The following ADPRHL1 variants were observed in gnomAD, a reference collection of about 807,000 sequenced individuals.
ADPRHL1 encodes ADP-ribosylhydrolase like 1, also known as inactive ADP-ribosyltransferase ARH2.
Under a neutral mutation model 44.1 loss-of-function variants are expected in ADPRHL1, and 43 were observed. The observed-to-expected ratio is 0.98, with a 90% confidence interval of 0.76 to 1.26. The LOEUF (loss-of-function observed/expected upper bound fraction) is 1.26. ADPRHL1 is among the 50% of genes most tolerant of loss of function. The pLI is 0.00. For missense variants in ADPRHL1, 2,022 were observed against 2,496.9 expected (o/e 0.81, Z 4.05); for synonymous variants, 878 against 1,017.4 (o/e 0.86, Z 2.61).
Position 113,407,467 on chromosome 13 carries a change from C to T in ADPRHL1, c.1815G>A (p.Met605Ile). The change falls in exon 8 of 8, where the codon ATG becomes ATA. Residue 605 changes from methionine (M) to isoleucine (I), a missense_variant. Physicochemically the swap from Met to Ile is conservative, Grantham distance 10 (BLOSUM62 1). Transcript: ENST00000612156. ...TATMASTCVK[M>I]PPARFLACTA... The stretch of plus-strand genomic sequence containing the variant: ...TGCAGGCCAGAAAGCGGGCAGGGGG[C>T]ATCTTGACGCAGGTGCTGGCCATGG... 2 of 1,232,086 alleles carry T rather than the reference C, an allele frequency of 1.6e-6. No homozygotes were observed. The highest frequency in any genetic ancestry group is 2.0e-6 in the Non-Finnish European group (2 of 988,030). 76.3% of individuals were successfully genotyped at this position (1,232,086 alleles called of 1,614,324 possible). A position where few individuals can be genotyped will look rare whatever the true frequency, so the allele number is the denominator to read the frequency against.
intron 7 of ADPRHL1, among the ~76,000 whole-genome samples, chr13:113,410,688 G>C (rs1244151417): frequency 6.8e-6 from 1 of 147,886 alleles, no homozygotes; most frequent in Non-Finnish European, 1.5e-5. Context: ...GCCCCAGCCA[G>C]AGGCCGCCCA....
chr13:113,415,468 A>C (rs1165335736), intron 7 of ADPRHL1, among the ~76,000 whole-genome samples: 1 of 152,088 alleles, frequency 6.6e-6, no homozygotes, highest in Non-Finnish European at 1.5e-5. Flanking sequence ...ATAAAAAGAG[A>C]AGGGCTGGGT....
chr13:113,413,902 G>A (rs2043873549), intron 7 of ADPRHL1, among the ~76,000 whole-genome samples: 1 of 152,252 alleles, frequency 6.6e-6, no homozygotes, highest in Non-Finnish European at 1.5e-5. Flanking sequence ...GCTCTGGCCA[G>A]CCAGAGAGGT....
At chr13:113,431,391 A>G (rs958238864) in intron 3 of ADPRHL1, among the ~76,000 whole-genome samples, 1 of 152,178 alleles carries the variant, frequency 6.6e-6, no homozygotes, top group Non-Finnish European at 1.5e-5. Flanking sequence ...TCTTGAAGGC[A>G]CTCATCAGGG....
At chr13:113,420,659 T>A (rs1259179603) in intron 7 of ADPRHL1, among the ~76,000 whole-genome samples, 1 of 152,032 alleles carries the variant, frequency 6.6e-6, no homozygotes, top group African/African-American at 2.4e-5. Flanking sequence ...GTCTCTCTGG[T>A]TCTTCTGACT....
At position 113,403,448 on chromosome 13, in the gene ADPRHL1, T is replaced by G; in HGVS notation, c.5834A>C (p.Gln1945Pro). 8.1e-7 allele frequency: 1 copy of G among 1,232,116 alleles called. No homozygotes were observed. Among genetic ancestry groups the G allele is most frequent in the East Asian group, 3.2e-5 (1 of 31,688 alleles). 76.3% of individuals were successfully genotyped at this position (1,232,116 alleles called of 1,614,324 possible). The change falls in exon 8 of 8, where the codon CAG (glutamine) becomes CCG (proline). Residue 1945 changes from glutamine to proline, a missense_variant. By Grantham distance (76) the Gln-to-Pro change is moderately conservative (BLOSUM62 -1). Coordinates refer to ENST00000612156, the MANE Select transcript of ADPRHL1 (RefSeq NM_001394807.1). Reference sequence around the variant, plus strand: ...TCTGAAGGACAAATCGAAGGCCCTCTGGTCACGGAAGCTCTGGGCTTTGTA... The same window carrying G: ...TCTGAAGGACAAATCGAAGGCCCTCGGGTCACGGAAGCTCTGGGCTTTGTA... ...AKYKAQSFRD[Q>P]RAFDLSFRPM...
Position 113,453,230 on chromosome 13 carries a change from T to C in ADPRHL1, c.208A>G (p.Thr70Ala), listed in dbSNP as rs935536590. ...IMHIATAEALTTDYWCLDDLY... is the reference protein window; with the variant it reads ...IMHIATAEALATDYWCLDDLY... ...CGCGGTGGGCCCAGCCTACCTGTGGTGAGGGCCTCGGCGGTTGCGATGTGC... is the reference window on the plus strand; with the variant it reads ...CGCGGTGGGCCCAGCCTACCTGTGGCGAGGGCCTCGGCGGTTGCGATGTGC... The change falls in exon 1 of 8, where the codon ACC (threonine) becomes GCC (alanine). Residue 70 changes from threonine (T) to alanine (A), a missense_variant. Physicochemically the swap from Thr to Ala is moderately conservative, Grantham distance 58. Transcript: ENST00000612156. This position sits in a 1 kb window ranked among gnomAD's most constrained non-coding sequence, Gnocchi z 5.4. The C allele has an allele frequency of 1.2e-6, 2 of 1,614,006 alleles. No homozygotes were observed. The highest frequency in any genetic ancestry group is 1.7e-6 in the Non-Finnish European group (2 of 1,180,014).
chr13:113,438,694 T>C (rs1366212566), intron 2 of ADPRHL1, among the ~76,000 whole-genome samples: 1 of 152,080 alleles, frequency 6.6e-6, no homozygotes, highest in African/African-American at 2.4e-5. Flanking sequence ...AAAAAAAATT[T>C]CTTTTTTATA....
rs1429850105 is a variant in ADPRHL1, at chr13:113,453,150, A to G, written c.214+74T>C. 2 of 1,540,202 alleles carry G rather than the reference A, an allele frequency of 1.3e-6. No homozygotes were observed. Among genetic ancestry groups the G allele is most frequent in the Non-Finnish European group, 1.8e-6 (2 of 1,119,034 alleles). On this transcript the variant is annotated intron_variant, in intron 1 of 7. Transcript: ENST00000612156. The surrounding 1 kb of genome is among the most constrained non-coding windows in gnomAD (Gnocchi z 5.4). ...ACCGCACTGCCTTCAAAGCTCTCGG[A>G]GGCTTACTGGGAGAACTCGAGCAGC...
At chr13:113,428,832 C>T (rs2043985769) in intron 4 of ADPRHL1, 120 bp downstream of exon 4, 2 of 1,470,700 alleles carry the variant, frequency 1.4e-6, no homozygotes, top group South Asian at 1.3e-5. Context: ...ATGGCCCGGA[C>T]AGGGCCCTCC....
intron 1 of ADPRHL1, among the ~76,000 whole-genome samples, chr13:113,451,765 G>A (rs1411710003): frequency 2.0e-5 from 3 of 152,104 alleles, no homozygotes; most frequent in African/African-American, 4.8e-5. Flanking sequence ...CTGAGATCAC[G>A]CCACTGCACT....
chr13:113,450,958 C>T (rs942044887), intron 1 of ADPRHL1, among the ~76,000 whole-genome samples: 8 of 151,560 alleles, frequency 5.3e-5, no homozygotes, highest in East Asian at 1.9e-4. Flanking sequence ...GGAGACCCCC[C>T]CCCCCTTCCT....
At chr13:113,414,570 C>T (rs542220902) in intron 7 of ADPRHL1, among the ~76,000 whole-genome samples, 1 of 152,278 alleles carries the variant, frequency 6.6e-6, no homozygotes, top group South Asian at 2.1e-4. Context: ...CCATCTGTGC[C>T]TGTGGAACTG....
intron 2 of ADPRHL1, among the ~76,000 whole-genome samples, chr13:113,435,015 G>T (rs35771122): frequency 1.9e-5 from 1 of 53,598 alleles, no homozygotes; most frequent in Non-Finnish European, 3.7e-5. Context: ...CCCGGGACCC[G>T]GCACCCAGGT....
At chr13:113,408,268 A>C (rs1359255719) in intron 7 of ADPRHL1, 48 bp from the exon 8 acceptor site, 5 of 1,231,086 alleles carry the variant, frequency 4.1e-6, no homozygotes. Flanking sequence ...ATTTTTCTCC[A>C]AGATGACTCT....
chr13:113,409,272 A>T lies in ADPRHL1; in HGVS notation c.1062-1052T>A. 1.0e-6 allele frequency: 1 copy of T among 983,944 alleles called. No homozygotes were observed. The highest frequency in any genetic ancestry group is 1.2e-6 in the Non-Finnish European group (1 of 828,624). The allele number at this position is 983,944 out of a possible 1,614,324, so 61.0% of individuals were successfully genotyped here. ...AGGAGCAAAGCTGGAAGGTCTCCCC[A>T]TCTGTGGCAGGGGGTGGAGCCGTCT... On this transcript the variant is annotated intron_variant, in intron 7 of 7. Coordinates refer to ENST00000612156, the MANE Select transcript of ADPRHL1 (RefSeq NM_001394807.1). This position sits in a 1 kb window ranked among gnomAD's most constrained non-coding sequence, Gnocchi z 4.2.
intron 4 of ADPRHL1, 27 bp downstream of exon 4, chr13:113,428,925 C>G (rs371692782): frequency 6.2e-7 from 1 of 1,610,764 alleles, no homozygotes; most frequent in Non-Finnish European, 8.5e-7. Context: ...GCTCTGAGTG[C>G]GGACTGGGGC....
intron 2 of ADPRHL1, among the ~76,000 whole-genome samples, chr13:113,438,282 T>C (rs1350108906): frequency 6.6e-6 from 1 of 152,240 alleles, no homozygotes; most frequent in East Asian, 1.9e-4. Flanking sequence ...TGTAATGGTA[T>C]CTCATTGTGG....
At chr13:113,450,851 C>T (rs529910877) in intron 1 of ADPRHL1, among the ~76,000 whole-genome samples, 2,187 of 152,100 alleles carry the variant, frequency 0.014, 44 homozygotes, top group African/African-American at 0.045. Flanking sequence ...CACAGGGAGA[C>T]GGTTAGGCCT....
Sources: gnomAD v4.1 joint callset for allele counts (sites outside exome capture counted in the v4.1 genomes callset) on GRCh38, gnomAD v4.1.1 for gene constraint, Gnocchi (gnomAD v3.1) non-coding constraint, MANE v1.5 for transcripts, NCBI Gene and HGNC (gene_info 2026-07-23, HGNC 2026-07-21) for gene names.